The following SLC2A13 variants were observed in gnomAD, a reference collection of about 807,000 sequenced individuals.
The protein encoded by SLC2A13 is solute carrier family 2 member 13, also known as proton myo-inositol cotransporter.
In SLC2A13, 32 loss-of-function variants were observed where a neutral mutation model predicts 64.4. The ratio of observed to expected loss-of-function variants is 0.50; its 90% CI spans 0.37 to 0.67. The LOEUF (loss-of-function observed/expected upper bound fraction) is 0.67, where lower values mean the gene tolerates loss of function less well. Ranked by LOEUF, SLC2A13 falls within the 30% of genes least tolerant of loss-of-function variation. The probability of loss-of-function intolerance (pLI) is 0.00; values close to 1 mark genes in which losing one functional copy is unlikely to be tolerated. For synonymous variants in SLC2A13, 338 were observed against 327.1 expected (o/e 1.03, Z -0.36); for missense variants, 743 against 829.2 (o/e 0.90, Z 1.28).
At chr12:40,075,037 A>T (rs1938115939) in intron 1 of SLC2A13, among the ~76,000 whole-genome samples, 1 of 152,116 alleles carries the variant, frequency 6.6e-6, no homozygotes, top group Admixed American at 6.5e-5. Context: ...GTTTTAACTA[A>T]TTTTTTCTGA....
intron 6 of SLC2A13, among the ~76,000 whole-genome samples, chr12:39,864,551 T>G (rs1179458553): frequency 6.6e-6 from 1 of 152,130 alleles, no homozygotes; most frequent in Non-Finnish European, 1.5e-5. Flanking sequence ...AACAACCCAC[T>G]CTCTCCTTAA....
At chr12:40,006,545 A>G (rs1265780208) in intron 3 of SLC2A13, among the ~76,000 whole-genome samples, 1 of 152,234 alleles carries the variant, frequency 6.6e-6, no homozygotes, top group Non-Finnish European at 1.5e-5. Flanking sequence ...AAATGAAAAT[A>G]TAGTAACAAA....
chr12:39,930,179 C>G (rs1039289348), intron 4 of SLC2A13, among the ~76,000 whole-genome samples: 1 of 150,002 alleles, frequency 6.7e-6, no homozygotes, highest in African/African-American at 2.4e-5. Flanking sequence ...CACCTACTTA[C>G]TACTATAGGA....
At chr12:39,799,173 C>T (rs1941687311) in intron 7 of SLC2A13, among the ~76,000 whole-genome samples, 1 of 151,256 alleles carries the variant, frequency 6.6e-6, no homozygotes, top group African/African-American at 2.4e-5. Context: ...ACCTCCGCCT[C>T]CCAGGTTCAA....
intron 4 of SLC2A13, among the ~76,000 whole-genome samples, chr12:39,905,037 G>A (rs1480312239): frequency 1.3e-5 from 2 of 152,116 alleles, no homozygotes; most frequent in African/African-American, 4.8e-5. Flanking sequence ...CTGCTTTAGT[G>A]ACAAGCCACC....
intron 7 of SLC2A13, among the ~76,000 whole-genome samples, chr12:39,783,077 G>A (rs540265904): frequency 5.3e-5 from 8 of 152,168 alleles, no homozygotes; most frequent in African/African-American, 1.9e-4. Context: ...GTGTCCAACT[G>A]TTCTCATCGT....
At chr12:40,028,590 G>T in intron 2 of SLC2A13, 81 bp from the exon 3 acceptor site, 1 of 1,355,674 alleles carries the variant, frequency 7.4e-7, no homozygotes, top group South Asian at 1.3e-5. Flanking sequence ...GTGTTGTGTT[G>T]ACAACAATAA....
intron 4 of SLC2A13, among the ~76,000 whole-genome samples, chr12:39,888,792 T>A (rs1020820906): frequency 5.9e-5 from 9 of 152,160 alleles, no homozygotes; most frequent in African/African-American, 2.2e-4. Context: ...AACCAAAATT[T>A]TATAATATTA....
At chr12:39,810,747 TTTC>T (rs1942132695) in intron 7 of SLC2A13, among the ~76,000 whole-genome samples, 1 of 152,178 alleles carries the variant, frequency 6.6e-6, no homozygotes, top group African/African-American at 2.4e-5. Context: ...ATTTTTCTCT[TTTC>T]TTCTCTTAAT....
chr12:39,984,553 C>T (rs1397877379), intron 3 of SLC2A13, among the ~76,000 whole-genome samples: 3 of 151,890 alleles, frequency 2.0e-5, no homozygotes, highest in Non-Finnish European at 2.9e-5. Context: ...TTTAGAAAAG[C>T]ATTACTACAA....
chr12:39,896,521 C>G (rs924866252), intron 4 of SLC2A13, among the ~76,000 whole-genome samples: 1 of 126,682 alleles, frequency 7.9e-6, no homozygotes, highest in Non-Finnish European at 1.7e-5. Context: ...TGTGTGTATA[C>G]ATGTATACAT....
intron 3 of SLC2A13, among the ~76,000 whole-genome samples, chr12:39,984,336 A>T (rs1946987197): frequency 6.6e-6 from 1 of 152,206 alleles, no homozygotes; most frequent in South Asian, 2.1e-4. Context: ...TAATAAAAAA[A>T]AAAGTGCTTA....
At position 40,028,371 on chromosome 12, in the gene SLC2A13, G is replaced by T. The variant is rs143860004; in HGVS notation, c.855C>A (p.Asn285Lys). ...ARRILSQMRG[N>K]QTIDEEYDSI... ...TATCATATTCCTCATCAATGGTCTG[G>T]TTACCACGCATCTGAGATAAAATTC... is the stretch of plus-strand genomic sequence containing the variant. Residue 285 changes from asparagine (N) to lysine (K), a missense_variant, in exon 3 of 10, where the codon AAC becomes AAA. By Grantham distance (94) the Asn-to-Lys change is moderately conservative. Around this residue, in one of 2 missense-constraint regions of SLC2A13, gnomAD observed 448 missense variants for 447.4 expected, o/e 1.00. Transcript: ENST00000280871. 1.1e-3 allele frequency: 1,810 copies of T among 1,613,800 alleles called. 5 individuals are homozygous for T. The highest frequency in any genetic ancestry group is 1.4e-3 in the Non-Finnish European group (1,612 of 1,179,946).
At chr12:40,056,498 A>G (rs1948335747) in intron 1 of SLC2A13, among the ~76,000 whole-genome samples, 1 of 152,218 alleles carries the variant, frequency 6.6e-6, no homozygotes, top group Non-Finnish European at 1.5e-5. Context: ...TGGAATGCAC[A>G]AAGGTTAATA....
chr12:40,020,401 C>T (rs926822970), intron 3 of SLC2A13, among the ~76,000 whole-genome samples: 3 of 152,294 alleles, frequency 2.0e-5, no homozygotes, highest in African/African-American at 7.2e-5. Flanking sequence ...TGACTTTCTT[C>T]ACTCTCTCTC....
intron 4 of SLC2A13, among the ~76,000 whole-genome samples, chr12:39,876,547 C>T (rs1944188829): frequency 1.3e-5 from 2 of 151,926 alleles, no homozygotes. Context: ...TTAAAAAACA[C>T]CTGATAGACT....
chr12:39,848,343 C>G (rs990083732), intron 6 of SLC2A13, among the ~76,000 whole-genome samples: 1 of 151,924 alleles, frequency 6.6e-6, no homozygotes, highest in Non-Finnish European at 1.5e-5. Flanking sequence ...GAAAAACAAC[C>G]CCATTAAAAA....
intron 4 of SLC2A13, among the ~76,000 whole-genome samples, chr12:39,919,444 A>G (rs58960157): frequency 0.024 from 3,596 of 152,198 alleles, 159 homozygotes; most frequent in African/African-American, 0.082. Flanking sequence ...AATAATCAAG[A>G]TAAGTGGATA....
At chr12:39,899,752 C>A (rs1945033601) in intron 4 of SLC2A13, among the ~76,000 whole-genome samples, 1 of 152,126 alleles carries the variant, frequency 6.6e-6, no homozygotes, top group Non-Finnish European at 1.5e-5. Context: ...AGTAGTCATT[C>A]AGGAGCAGGT....
Sources: gnomAD v4.1 joint callset for allele counts (sites outside exome capture counted in the v4.1 genomes callset) on GRCh38, gnomAD v4.1.1 for gene constraint, gnomAD v4.1.1 regional missense constraint, MANE v1.5 for transcripts, NCBI Gene and HGNC (gene_info 2026-07-23, HGNC 2026-07-21) for gene names.